Variants in HPCAL1 observed in about 807,000 individuals in gnomAD.
The protein encoded by HPCAL1 is hippocalcin like 1.
HPCAL1 carries 8 observed loss-of-function variants against 17.1 expected under a neutral mutation model. The observed-to-expected ratio is 0.47, with a 90% CI of 0.27 to 0.84. The LOEUF (loss-of-function observed/expected upper bound fraction) is 0.84, where lower values mean the gene tolerates loss of function less well. Ranked by LOEUF, HPCAL1 falls within the 40% of genes least tolerant of loss-of-function variation. The pLI is 0.13. For synonymous variants in HPCAL1, 112 were observed against 111.4 expected, an observed-to-expected ratio of 1.01 and a Z score of -0.03; for missense variants, 165 against 271.1, an observed-to-expected ratio of 0.61 and a Z score of 2.75.
At chr2:10,312,633 A>G (rs1407927832) in intron 1 of HPCAL1, among the ~76,000 whole-genome samples, 1 of 147,816 alleles carries the variant, frequency 6.8e-6, no homozygotes, top group Non-Finnish European at 1.5e-5. Flanking sequence ...CACCATCACC[A>G]TCATTATCAC....
intron 4 of HPCAL1, chr2:10,424,427 G>A (rs566820784): frequency 1.5e-5 from 7 of 458,648 alleles, no homozygotes; most frequent in Admixed American, 2.4e-5. Context: ...TGGTGAATCC[G>A]GTCCCATGGG....
intron 1 of HPCAL1, among the ~76,000 whole-genome samples, chr2:10,382,593 T>TAAAA (rs70948887): frequency 1.6e-5 from 2 of 128,008 alleles, no homozygotes; most frequent in African/African-American, 5.9e-5. Flanking sequence ...GTTCATTAAT[T>TAAAA]AAAAAAAAAA....
At position 10,420,135 on chromosome 2, in the gene HPCAL1, G is replaced by C; in HGVS notation, c.378G>C (p.Gln126His). The change falls in exon 3 of 5, where the codon CAG (glutamine) becomes CAC (histidine). Residue 126 changes from glutamine (Q) to histidine (H), a missense_variant and splice_region_variant. By Grantham distance (24) the Gln-to-His change is conservative. Coordinates refer to ENST00000307845, the MANE Select transcript of HPCAL1 (RefSeq NM_002149.4). ...ISRSEMLEIVQAIYKMVSSVM... is the reference protein window; with the variant it reads ...ISRSEMLEIVHAIYKMVSSVM... ...GCAGCGAGATGCTGGAGATCGTGCA[G>C]GTACCGGCGCCCGAGGCCCCGGGTC... The C allele has an allele frequency of 6.2e-7, 1 of 1,604,206 alleles. No individual in the cohort carries two copies. Among genetic ancestry groups the C allele is most frequent in the Non-Finnish European group, 8.5e-7 (1 of 1,173,264 alleles).
chr2:10,423,157 A>AG, intron 4 of HPCAL1, 69 bp downstream of exon 4: 2 of 1,183,014 alleles, frequency 1.7e-6, no homozygotes, highest in Non-Finnish European at 2.5e-6. Context: ...GGTTTGGGGC[A>AG]CCCCCTCCCC....
At chr2:10,314,115 C>T (rs553819864) in intron 1 of HPCAL1, among the ~76,000 whole-genome samples, 1 of 145,770 alleles carries the variant, frequency 6.9e-6, no homozygotes, top group Non-Finnish European at 1.5e-5. Context: ...GCCTGGGTGA[C>T]AGAGCAAGAC....
Position 10,316,370 on chromosome 2 carries a change from G to T in HPCAL1, c.-111+13193G>T, listed in dbSNP as rs1029932801. ...TTCATGACCCCCAGAGAATGGGCCT[G>T]CTGGTCTCTAGCCCCTGTGAATTGG... On this transcript the variant is annotated intron_variant, in intron 1 of 4. Coordinates refer to ENST00000307845, the MANE Select transcript of HPCAL1 (RefSeq NM_002149.4). 5.9e-5 allele frequency among the ~76,000 whole-genome samples: 9 copies of T among 152,144 alleles called. No individual in the cohort carries two copies. The East Asian group carries it at 1.7e-3, about 29-fold the overall frequency.
intron 1 of HPCAL1, among the ~76,000 whole-genome samples, chr2:10,382,079 C>T (rs1318457758): frequency 2.0e-5 from 3 of 152,162 alleles, no homozygotes; most frequent in African/African-American, 7.2e-5. Context: ...TGCATCCAGA[C>T]AATGGAATAT....
At chr2:10,378,806 T>C (rs1230795315) in intron 1 of HPCAL1, among the ~76,000 whole-genome samples, 1 of 152,138 alleles carries the variant, frequency 6.6e-6, no homozygotes, top group South Asian at 2.1e-4. Flanking sequence ...TGGTTATAGA[T>C]GTTAAATCCT....
At chr2:10,324,176 A>G (rs1196067468) in intron 1 of HPCAL1, among the ~76,000 whole-genome samples, 9 of 152,398 alleles carry the variant, frequency 5.9e-5, no homozygotes, top group African/African-American at 1.9e-4. Context: ...AATAAATTAA[A>G]TGCAAATACT....
chr2:10,399,424 TCACCACCACCACCAC>T (rs1558518268), intron 2 of HPCAL1, among the ~76,000 whole-genome samples: 1 of 8,700 alleles, frequency 1.1e-4, no homozygotes, highest in African/African-American at 1.0e-3. Context: ...ACCACCACCA[TCACCACCACCACCAC>T]CATCACCATC....
Position 10,422,884 on chromosome 2 carries a change from C to G in HPCAL1, c.379-99C>G. ...CCGAAGGCCACCGGGAGCCCCTGACCTCTCCGAGCCTTGTTGTGGGCTGGG... is the reference window on the plus strand; with the variant it reads ...CCGAAGGCCACCGGGAGCCCCTGACGTCTCCGAGCCTTGTTGTGGGCTGGG... On this transcript the variant is annotated intron_variant, in intron 3 of 4. Transcript: ENST00000307845. 3 of 791,576 alleles carry G rather than the reference C, an allele frequency of 3.8e-6. No homozygotes were observed. In the South Asian group the frequency reaches 4.8e-5, roughly 13 times the overall value. The allele number at this position is 791,576 out of a possible 1,614,324, so 49.0% of individuals were successfully genotyped here.
intron 1 of HPCAL1, among the ~76,000 whole-genome samples, chr2:10,337,397 A>T (rs951405028): frequency 5.9e-5 from 9 of 152,204 alleles, no homozygotes; most frequent in Non-Finnish European, 1.0e-4. Context: ...TTTGCTGTGA[A>T]TTATAGGTAA....
At chr2:10,386,477 T>C (rs1041471395) in intron 1 of HPCAL1, among the ~76,000 whole-genome samples, 7 of 151,982 alleles carry the variant, frequency 4.6e-5, no homozygotes, top group Non-Finnish European at 7.4e-5. Flanking sequence ...GGGGCTTTGA[T>C]GTGGGGAGAA....
At position 10,426,853 on chromosome 2, in the gene HPCAL1, A is replaced by T; in HGVS notation, c.*32A>T. 6.4e-7 allele frequency: 1 copy of T among 1,567,822 alleles called. No homozygotes were observed. Among genetic ancestry groups the T allele is most frequent in the Non-Finnish European group, 8.8e-7 (1 of 1,138,984 alleles). ...GGCCCCTGGACAGTTGCAGAGAAACACAGGCTTGTCGTGCCGTTTAAGCTT... is the reference window on the plus strand; with the variant it reads ...GGCCCCTGGACAGTTGCAGAGAAACTCAGGCTTGTCGTGCCGTTTAAGCTT... On this transcript the variant is annotated 3_prime_UTR_variant, in exon 5 of 5. Coordinates refer to ENST00000307845, the MANE Select transcript of HPCAL1 (RefSeq NM_002149.4).
At chr2:10,412,939 G>C (rs1215531027) in intron 2 of HPCAL1, among the ~76,000 whole-genome samples, 1 of 151,898 alleles carries the variant, frequency 6.6e-6, no homozygotes, top group African/African-American at 2.4e-5. Flanking sequence ...TTGGGGTGGG[G>C]ATTTTTTCAA....
chr2:10,407,364 G>C (rs920463150), intron 2 of HPCAL1, among the ~76,000 whole-genome samples: 3 of 152,206 alleles, frequency 2.0e-5, no homozygotes, highest in African/African-American at 7.2e-5. Flanking sequence ...GTCACAGAAT[G>C]TTAGAATAAG....
At chr2:10,405,269 T>TCTGCAGTCTG (rs1194320189) in intron 2 of HPCAL1, among the ~76,000 whole-genome samples, 3 of 152,232 alleles carry the variant, frequency 2.0e-5, no homozygotes, top group African/African-American at 7.2e-5. Flanking sequence ...TCATCCTGAC[T>TCTGCAGTCTG]GCAGGCCCCT....
At chr2:10,334,514 A>T (rs1381872947) in intron 1 of HPCAL1, among the ~76,000 whole-genome samples, 1 of 150,508 alleles carries the variant, frequency 6.6e-6, no homozygotes, top group South Asian at 2.1e-4. Flanking sequence ...CCTTGTCTTT[A>T]AAAAAAAAGA....
In HPCAL1 at chr2:10,377,578, AAGCCCCCTGCCAGCTCTCGGC is replaced by A. The variant is rs1465074137; in HGVS notation, c.-110-19248_-110-19228del. ...GTCGGCAGGGCCCCTGCCACCTCTG[AAGCCCCCTGCCAGCTCTCGGC>A]AGCCCCCTCCTCCCCCTGGCTCCCG... On this transcript the variant is annotated intron_variant, in intron 1 of 4. Transcript: ENST00000307845. The surrounding 1 kb of genome is among the most constrained non-coding windows in gnomAD (Gnocchi z 5.9). Among the ~76,000 whole-genome samples, 7 of 151,778 alleles carry A rather than the reference AAGCCCCCTGCCAGCTCTCGGC, an allele frequency of 4.6e-5. No homozygotes were observed. The highest frequency in any genetic ancestry group is 1.7e-4 in the African/African-American group (7 of 41,288).
Sources: gnomAD v4.1 joint callset for allele counts (sites outside exome capture counted in the v4.1 genomes callset) on GRCh38, gnomAD v4.1.1 for gene constraint, Gnocchi (gnomAD v3.1) non-coding constraint, MANE v1.5 for transcripts, NCBI Gene and HGNC (gene_info 2026-07-23, HGNC 2026-07-21) for gene names.